Variants in UBE3D observed in about 807,000 individuals in gnomAD.
The protein encoded by UBE3D is E3 ubiquitin-protein ligase E3D.
In UBE3D, 48 loss-of-function variants were observed where a neutral mutation model predicts 49.6. The observed-to-expected ratio is 0.97, with a 90% CI of 0.77 to 1.23. UBE3D has a LOEUF of 1.23. UBE3D is among the 50% of genes most tolerant of loss of function. The pLI, the probability that UBE3D is intolerant of heterozygous loss-of-function variation, is 0.00. For synonymous variants in UBE3D, 189 were observed against 174.2 expected (o/e 1.08, Z -0.67); for missense variants, 452 against 468.4 (o/e 0.96, Z 0.32).
At chr6:82,974,754 C>T (rs1777597008) in intron 8 of UBE3D, among the ~76,000 whole-genome samples, 1 of 145,904 alleles carries the variant, frequency 6.9e-6, no homozygotes, top group Non-Finnish European at 1.5e-5. Context: ...GGTAGTTAAG[C>T]ACCTGAATTT....
intron 3 of UBE3D, among the ~76,000 whole-genome samples, chr6:83,047,230 T>TTAGG (rs1296318165): frequency 2.0e-5 from 3 of 152,224 alleles, no homozygotes; most frequent in Non-Finnish European, 2.9e-5. Flanking sequence ...AGGTAAGAGC[T>TTAGG]TAGGCATCCA....
intron 8 of UBE3D, among the ~76,000 whole-genome samples, chr6:82,971,265 T>G (rs1777332595): frequency 6.6e-6 from 1 of 152,158 alleles, no homozygotes; most frequent in Non-Finnish European, 1.5e-5. Context: ...ACATTTTTAC[T>G]ATGTTCTATT....
intron 9 of UBE3D, among the ~76,000 whole-genome samples, chr6:82,921,523 G>A (rs965200183): frequency 1.3e-5 from 2 of 151,946 alleles, no homozygotes; most frequent in South Asian, 2.1e-4. Flanking sequence ...CATACCACTC[G>A]CCCATAGTAA....
At chr6:82,914,552 AGG>A (rs780103096) in intron 9 of UBE3D, among the ~76,000 whole-genome samples, 2 of 152,178 alleles carry the variant, frequency 1.3e-5, no homozygotes, top group Non-Finnish European at 2.9e-5. Flanking sequence ...GGCGTCAAGC[AGG>A]GCAGCTTTAC....
intron 8 of UBE3D, among the ~76,000 whole-genome samples, chr6:82,993,471 A>G (rs552251426): frequency 5.5e-4 from 84 of 152,370 alleles, no homozygotes; most frequent in African/African-American, 1.8e-3. Flanking sequence ...AAAATGACAT[A>G]GTATTTGGAT....
chr6:83,050,236 C>A (rs1347671145), intron 3 of UBE3D, among the ~76,000 whole-genome samples: 3 of 97,876 alleles, frequency 3.1e-5, no homozygotes, highest in African/African-American at 1.1e-4. Flanking sequence ...TGACAAGAAC[C>A]TTTTTTATTT....
chr6:83,000,387 C>A (rs138466735), intron 8 of UBE3D, among the ~76,000 whole-genome samples: 5 of 152,224 alleles, frequency 3.3e-5, no homozygotes, highest in African/African-American at 1.2e-4. Context: ...TATAGTGGCC[C>A]ATTCCTCAAA....
the UBE3D span, among the ~76,000 whole-genome samples, chr6:82,881,402 C>T: frequency 6.6e-6 from 1 of 152,102 alleles, no homozygotes; most frequent in Admixed American, 6.6e-5. Context: ...GAGAGACTCA[C>T]AGAGGAGGAG....
intron 9 of UBE3D, among the ~76,000 whole-genome samples, chr6:82,925,688 C>T (rs562128354): frequency 1.3e-5 from 2 of 152,184 alleles, no homozygotes; most frequent in South Asian, 4.1e-4. Flanking sequence ...GCCCAATATC[C>T]TTCACTAAAA....
chr6:82,924,833 G>T (rs1773626535), intron 9 of UBE3D: 1 of 152,118 alleles, frequency 6.6e-6, no homozygotes, highest in African/African-American at 2.4e-5. Flanking sequence ...TCCTTTGACT[G>T]AACCTAACTA....
intron 9 of UBE3D, among the ~76,000 whole-genome samples, chr6:82,951,570 A>C (rs1318357955): frequency 6.6e-6 from 1 of 152,212 alleles, no homozygotes; most frequent in Non-Finnish European, 1.5e-5. Flanking sequence ...GGGGAGAGGC[A>C]GAGTTTAGCC....
chr6:82,958,611 G>C (rs985156354), intron 8 of UBE3D, among the ~76,000 whole-genome samples: 1 of 152,156 alleles, frequency 6.6e-6, no homozygotes, highest in Non-Finnish European at 1.5e-5. Flanking sequence ...GTGGGGTGAT[G>C]GAGTTCACTC....
chr6:82,883,192 T>G, the UBE3D span, among the ~76,000 whole-genome samples: 1 of 152,220 alleles, frequency 6.6e-6, no homozygotes, highest in East Asian at 1.9e-4. Flanking sequence ...AAAAGTATAT[T>G]TTCAAAAAAG....
At chr6:82,981,392 G>C (rs1403392746) in intron 8 of UBE3D, among the ~76,000 whole-genome samples, 1 of 151,938 alleles carries the variant, frequency 6.6e-6, no homozygotes, top group Non-Finnish European at 1.5e-5. Flanking sequence ...TTTATGAATG[G>C]GAGCAGTCCA....
chr6:82,993,262 A>C (rs1779020841), intron 8 of UBE3D, among the ~76,000 whole-genome samples: 1 of 152,146 alleles, frequency 6.6e-6, no homozygotes, highest in Admixed American at 6.5e-5. Context: ...CTTGGAAATT[A>C]CCAACGTATG....
At chr6:82,888,242 G>C (rs1770923909), downstream of UBE3D, among the ~76,000 whole-genome samples, 1 of 151,652 alleles carries the variant, frequency 6.6e-6, no homozygotes, top group Admixed American at 6.6e-5. Flanking sequence ...CCTCCATATA[G>C]GCAATCTACT....
chr6:82,943,157 G>T (rs1775139563), intron 9 of UBE3D, among the ~76,000 whole-genome samples: 1 of 152,142 alleles, frequency 6.6e-6, no homozygotes, highest in South Asian at 2.1e-4. Flanking sequence ...ACTTACATGG[G>T]GCCTGTAGCC....
At chr6:82,941,771 T>A (rs181696014) in intron 9 of UBE3D, among the ~76,000 whole-genome samples, 2 of 152,258 alleles carry the variant, frequency 1.3e-5, no homozygotes, top group Admixed American at 1.3e-4. Context: ...GCATCTGGCA[T>A]TTCCCCTGTT....
At chr6:83,006,860 C>T (rs749425169) in intron 8 of UBE3D, among the ~76,000 whole-genome samples, 2 of 151,984 alleles carry the variant, frequency 1.3e-5, no homozygotes, top group Non-Finnish European at 2.9e-5. Context: ...ATACTTAACG[C>T]TACCAAAATA....
Sources: allele counts gnomAD v4.1 joint callset (sites outside exome capture counted in the v4.1 genomes callset), GRCh38; gene constraint gnomAD v4.1.1; transcripts MANE v1.5; gene names NCBI Gene and HGNC (gene_info 2026-07-23, HGNC 2026-07-21).